The following STX8 variants were observed in gnomAD, a reference collection of about 807,000 sequenced individuals.
STX8 encodes syntaxin-8.
STX8 carries 23 observed loss-of-function variants against 37.5 expected under a neutral mutation model. That is an observed-to-expected ratio of 0.61 (90% CI 0.44 to 0.87). STX8 has a LOEUF of 0.87. Ranked by LOEUF, STX8 falls within the 40% of genes least tolerant of loss-of-function variation. The probability of loss-of-function intolerance (pLI) is 0.00; values close to 1 mark genes in which losing one functional copy is unlikely to be tolerated. For missense variants in STX8, 313 were observed against 284.7 expected (o/e 1.10, Z -0.71); for synonymous variants, 115 against 99.1 (o/e 1.16, Z -0.95).
chr17:9,327,242 G>GGA lies in STX8; in HGVS notation c.643+51309_643+51310insTC, dbSNP rs1567784960. ...GGAGGAAGAAGGAGGAAGGAGGACA[G>GGA]AGGAGGAAGGAGGAAGGAGGAGGAG... On this transcript the variant is annotated intron_variant, in intron 7 of 7. Coordinates refer to ENST00000306357, the MANE Select transcript of STX8 (RefSeq NM_004853.3). Among the ~76,000 whole-genome samples the GGA allele has an allele frequency of 6.3e-4, 88 of 140,108 alleles. 1 individual carries two copies. Among genetic ancestry groups the GGA allele is most frequent in the African/African-American group, 2.6e-3 (82 of 31,686 alleles). The allele number at this position is 140,108 out of a possible 152,430, so 91.9% of individuals were successfully genotyped here. A position where few individuals can be genotyped will look rare whatever the true frequency, so the allele number is the denominator to read the frequency against.
rs147146342 is a variant in STX8, at chr17:9,396,997, G to A, written c.542-18344C>T. Among the ~76,000 whole-genome samples, 476 of 152,350 alleles carry A rather than the reference G, an allele frequency of 3.1e-3. 2 individuals carry two copies. Among genetic ancestry groups the A allele is most frequent in the African/African-American group, 0.011 (458 of 41,592 alleles). ...GAGTGGCATCTATAAGACTAAAAGCGAAGGGACTTGCACATAAGCCCTGAA... is the reference window on the plus strand; with the variant it reads ...GAGTGGCATCTATAAGACTAAAAGCAAAGGGACTTGCACATAAGCCCTGAA... On this transcript the variant is annotated intron_variant, in intron 6 of 7. Coordinates refer to ENST00000306357, the MANE Select transcript of STX8 (RefSeq NM_004853.3).
At chr17:9,500,724 CG>C (rs1401583059) in intron 5 of STX8, among the ~76,000 whole-genome samples, 4 of 152,102 alleles carry the variant, frequency 2.6e-5, no homozygotes, top group African/African-American at 9.7e-5. Context: ...ATATGAAGGC[CG>C]GGCGTGCTGG....
At chr17:9,513,143 G>A (rs1419089158) in intron 4 of STX8, among the ~76,000 whole-genome samples, 4 of 152,012 alleles carry the variant, frequency 2.6e-5, no homozygotes, top group African/African-American at 9.7e-5. Context: ...GGATTAATAT[G>A]CAAAATATGT....
chr17:9,304,523 AAAAAAAG>A (rs1170282203), intron 7 of STX8, among the ~76,000 whole-genome samples: 51 of 150,940 alleles, frequency 3.4e-4, no homozygotes, highest in Non-Finnish European at 4.7e-4. Context: ...AAAAAAAAAA[AAAAAAAG>A]AAAAAAGAAA....
At chr17:9,390,895 C>T (rs975770548) in intron 6 of STX8, among the ~76,000 whole-genome samples, 3 of 149,448 alleles carry the variant, frequency 2.0e-5, no homozygotes, top group Non-Finnish European at 4.4e-5. Context: ...ATTAAAGAGG[C>T]AAAACAGTTA....
At position 9,418,828 on chromosome 17, in the gene STX8, A is replaced by G. The variant is rs1247494535; in HGVS notation, c.542-40175T>C. On this transcript the variant is annotated intron_variant, in intron 6 of 7. Coordinates refer to ENST00000306357, the MANE Select transcript of STX8 (RefSeq NM_004853.3). ...GGCGACAGAGCAAGACTCCGTCTCA[A>G]AAAAAAAAAAAGGGGGGGGGGAAGG... Among the ~76,000 whole-genome samples the G allele has an allele frequency of 4.3e-4, 25 of 58,046 alleles. No homozygotes were observed. The East Asian group carries it at 0.036, about 82-fold the overall frequency. 38.1% of individuals were successfully genotyped at this position (58,046 alleles called of 152,430 possible).
intron 7 of STX8, among the ~76,000 whole-genome samples, chr17:9,296,606 AAAG>A (rs150840076): frequency 0.023 from 3,442 of 149,458 alleles, 55 homozygotes; most frequent in Non-Finnish European, 0.037. Flanking sequence ...GGAAGGAAAA[AAAG>A]AAGTAAATTG....
At chr17:9,369,982 A>C (rs1279527347) in intron 7 of STX8, among the ~76,000 whole-genome samples, 1 of 150,898 alleles carries the variant, frequency 6.6e-6, no homozygotes. Flanking sequence ...TGGGAGGCTG[A>C]GGCAGGCAAT....
intron 7 of STX8, among the ~76,000 whole-genome samples, chr17:9,287,313 T>G (rs1344015153): frequency 3.9e-5 from 6 of 152,154 alleles, no homozygotes; most frequent in Non-Finnish European, 8.8e-5. Context: ...GAGGGCCAGA[T>G]GCACCCCAGG....
At chr17:9,447,047 G>A (rs982271840) in intron 6 of STX8, among the ~76,000 whole-genome samples, 4 of 152,064 alleles carry the variant, frequency 2.6e-5, no homozygotes, top group South Asian at 2.1e-4. Flanking sequence ...CATAGAATAC[G>A]ATCAGTGAAA....
chr17:9,565,488 C>T (rs1268019826), intron 2 of STX8, among the ~76,000 whole-genome samples: 2 of 151,606 alleles, frequency 1.3e-5, no homozygotes, highest in Non-Finnish European at 2.9e-5. Flanking sequence ...TGGTGGCACA[C>T]ACCTGTAATC....
At chr17:9,403,401 A>G (rs1304319821) in intron 6 of STX8, among the ~76,000 whole-genome samples, 1 of 152,194 alleles carries the variant, frequency 6.6e-6, no homozygotes, top group Non-Finnish European at 1.5e-5. Flanking sequence ...AACAATAAAC[A>G]CTGATTCAAC....
intron 7 of STX8, among the ~76,000 whole-genome samples, chr17:9,326,097 G>T (rs1909742986): frequency 6.6e-6 from 1 of 151,756 alleles, no homozygotes; most frequent in African/African-American, 2.4e-5. Flanking sequence ...TTGCAGTCTT[G>T]GTTTTAGCCA....
intron 6 of STX8, among the ~76,000 whole-genome samples, chr17:9,436,056 C>T (rs1221297763): frequency 6.6e-6 from 1 of 152,086 alleles, no homozygotes; most frequent in Non-Finnish European, 1.5e-5. Context: ...AATGAAACAA[C>T]ATACGTGGGT....
At chr17:9,346,656 G>A (rs1910543540) in intron 7 of STX8, among the ~76,000 whole-genome samples, 1 of 152,142 alleles carries the variant, frequency 6.6e-6, no homozygotes, top group East Asian at 1.9e-4. Context: ...TTAGGAAAAA[G>A]AAAACAAACT....
intron 4 of STX8, among the ~76,000 whole-genome samples, chr17:9,505,503 C>T (rs2249915): frequency 0.71 from 108,267 of 152,046 alleles, 38,808 homozygotes; most frequent in Middle Eastern, 0.85. Flanking sequence ...GGCCGAACAG[C>T]GGCCTTTTTA....
At chr17:9,376,250 T>TA (rs1257829191) in intron 7 of STX8, among the ~76,000 whole-genome samples, 11 of 152,102 alleles carry the variant, frequency 7.2e-5, no homozygotes, top group Non-Finnish European at 1.6e-4. Context: ...CAGCACTCTG[T>TA]AAAAAATGCC....
chr17:9,464,024 G>A (rs764807346), intron 6 of STX8, among the ~76,000 whole-genome samples: 10 of 152,192 alleles, frequency 6.6e-5, no homozygotes, highest in South Asian at 4.1e-4. Flanking sequence ...GCAGTGAGCC[G>A]TGATAGGGCC....
At chr17:9,427,740 G>T (rs1913690653) in intron 6 of STX8, among the ~76,000 whole-genome samples, 1 of 152,168 alleles carries the variant, frequency 6.6e-6, no homozygotes, top group African/African-American at 2.4e-5. Flanking sequence ...ACAGAGGGAA[G>T]ATGCCTGCTG....
Sources: allele counts gnomAD v4.1 joint callset (sites outside exome capture counted in the v4.1 genomes callset), GRCh38; gene constraint gnomAD v4.1.1; transcripts MANE v1.5; gene names NCBI Gene and HGNC (gene_info 2026-07-23, HGNC 2026-07-21).